The following STX8 variants were observed in gnomAD, a reference collection of about 807,000 sequenced individuals.
The protein encoded by STX8 is syntaxin-8.
STX8 carries 23 observed loss-of-function variants against 37.5 expected under a neutral mutation model. The observed-to-expected ratio is 0.61, with a 90% CI of 0.44 to 0.87. The LOEUF (loss-of-function observed/expected upper bound fraction) is 0.87. Among genes scored for constraint, STX8 ranks in the 40% least tolerant of loss-of-function variants. The pLI is 0.00. For missense variants in STX8, 313 were observed against 284.7 expected (o/e 1.10, Z -0.71); for synonymous variants, 115 against 99.1 (o/e 1.16, Z -0.95).
intron 6 of STX8, among the ~76,000 whole-genome samples, chr17:9,468,448 C>G (rs139438167): frequency 6.6e-6 from 1 of 152,120 alleles, no homozygotes; most frequent in Non-Finnish European, 1.5e-5. Context: ...AAACATCTTA[C>G]GAAAATGTTA....
chr17:9,441,088 G>A (rs942317058), intron 6 of STX8, among the ~76,000 whole-genome samples: 16 of 152,240 alleles, frequency 1.1e-4, no homozygotes, highest in African/African-American at 3.4e-4. Context: ...CCAAATGAGA[G>A]GCGTGAAGAT....
intron 7 of STX8, among the ~76,000 whole-genome samples, chr17:9,319,137 C>T (rs1909482174): frequency 6.6e-6 from 1 of 152,146 alleles, no homozygotes; most frequent in Non-Finnish European, 1.5e-5. Context: ...TAAAAAATTA[C>T]CCACAAGTGC....
At chr17:9,362,675 A>G (rs148047404) in intron 7 of STX8, among the ~76,000 whole-genome samples, 2,258 of 151,958 alleles carry the variant, frequency 0.015, 28 homozygotes, top group Non-Finnish European at 0.024. Context: ...CAAAAAAGTT[A>G]GCCAGGCGTG....
intron 6 of STX8, among the ~76,000 whole-genome samples, chr17:9,406,338 CT>C (rs1328387488): frequency 5.3e-5 from 8 of 152,134 alleles, no homozygotes; most frequent in Non-Finnish European, 1.2e-4. Flanking sequence ...CAAGGGGCCA[CT>C]TTTTTTGTAC....
At position 9,427,682 on chromosome 17, in the gene STX8, C is replaced by T. The variant is rs139934074; in HGVS notation, c.542-49029G>A. Among the ~76,000 whole-genome samples, 585 of 152,192 alleles carry T rather than the reference C, an allele frequency of 3.8e-3. 2 individuals carry two copies. Among genetic ancestry groups the T allele is most frequent in the Middle Eastern group, 0.02 (6 of 294 alleles). ...CAAATGACAGAGTGGCAACTGTTGG[C>T]TCACAGACAGAGTGGAGTTCTGAGC... On this transcript the variant is annotated intron_variant, in intron 6 of 7. Transcript: ENST00000306357.
intron 6 of STX8, among the ~76,000 whole-genome samples, chr17:9,491,328 C>T (rs1425883273): frequency 3.3e-5 from 5 of 152,048 alleles, no homozygotes. Flanking sequence ...GATGCCTACA[C>T]GTCTTAAACA....
Position 9,387,543 on chromosome 17 carries a change from T to C in STX8, c.542-8890A>G, listed in dbSNP as rs548829293. Among the ~76,000 whole-genome samples, 31 of 152,354 alleles carry C rather than the reference T, an allele frequency of 2.0e-4. No individual in the cohort carries two copies. The East Asian group carries it at 5.0e-3, about 25-fold the overall frequency. ...CTCCTGACCTCATGATCCGCCCGCC[T>C]TGGCCTTCCAAAGTGCTGGGATTAC... is the stretch of plus-strand genomic sequence containing the variant. On this transcript the variant is annotated intron_variant, in intron 6 of 7. Transcript: ENST00000306357.
chr17:9,380,266 T>C (rs1379652355), intron 6 of STX8, among the ~76,000 whole-genome samples: 2 of 147,548 alleles, frequency 1.4e-5, no homozygotes, highest in Non-Finnish European at 3.0e-5. Context: ...TTTTTTTTTT[T>C]TTTTTTTTTT....
chr17:9,412,812 C>T (rs888421478), intron 6 of STX8, among the ~76,000 whole-genome samples: 1 of 151,954 alleles, frequency 6.6e-6, no homozygotes, highest in East Asian at 1.9e-4. Flanking sequence ...AAATATAATT[C>T]GTCTTTAGAG....
chr17:9,329,462 G>C (rs1432367806), intron 7 of STX8, among the ~76,000 whole-genome samples: 1 of 152,206 alleles, frequency 6.6e-6, no homozygotes, highest in Non-Finnish European at 1.5e-5. Flanking sequence ...CTGGCTGGGT[G>C]ATTTTCCAGT....
At chr17:9,323,981 C>G (rs927679965) in intron 7 of STX8, among the ~76,000 whole-genome samples, 1 of 152,102 alleles carries the variant, frequency 6.6e-6, no homozygotes, top group East Asian at 1.9e-4. Flanking sequence ...GGAGAGGCAT[C>G]GGTCCTATTT....
chr17:9,319,995 A>G (rs997844885), intron 7 of STX8, among the ~76,000 whole-genome samples: 2 of 151,850 alleles, frequency 1.3e-5, no homozygotes, highest in South Asian at 4.2e-4. Context: ...AGCAAACTGG[A>G]AACTCTAGGA....
chr17:9,407,128 C>T (rs1040912209), intron 6 of STX8, among the ~76,000 whole-genome samples: 23 of 152,198 alleles, frequency 1.5e-4, no homozygotes, highest in Admixed American at 5.9e-4. Flanking sequence ...AGCACTGCTT[C>T]GGCAATGAAG....
intron 4 of STX8, among the ~76,000 whole-genome samples, chr17:9,526,807 G>A (rs1232393513): frequency 6.6e-6 from 1 of 151,170 alleles, no homozygotes; most frequent in Non-Finnish European, 1.5e-5. Context: ...AGGTTGCGGT[G>A]AGCTGACATC....
At chr17:9,534,891 A>T (rs1228514339) in intron 4 of STX8, among the ~76,000 whole-genome samples, 2 of 152,218 alleles carry the variant, frequency 1.3e-5, no homozygotes, top group African/African-American at 4.8e-5. Context: ...GTACTAGCAC[A>T]TAAGTAGACA....
chr17:9,441,637 G>T (rs191636072), intron 6 of STX8, among the ~76,000 whole-genome samples: 1 of 150,122 alleles, frequency 6.7e-6, no homozygotes, highest in Admixed American at 6.6e-5. Flanking sequence ...GCCCTAAGAC[G>T]CTGAGCTCTT....
intron 4 of STX8, among the ~76,000 whole-genome samples, chr17:9,514,904 A>G (rs1286017666): frequency 6.6e-6 from 1 of 152,210 alleles, no homozygotes; most frequent in Non-Finnish European, 1.5e-5. Flanking sequence ...GTCCCACAAT[A>G]TGGAGTGAAC....
intron 6 of STX8, among the ~76,000 whole-genome samples, chr17:9,386,570 G>A (rs1344359923): frequency 6.6e-6 from 1 of 152,012 alleles, no homozygotes; most frequent in Non-Finnish European, 1.5e-5. Flanking sequence ...GGAGGGAGCT[G>A]GCAGGCGGGC....
chr17:9,489,989 A>G (rs1331248702), intron 6 of STX8, among the ~76,000 whole-genome samples: 1 of 152,082 alleles, frequency 6.6e-6, no homozygotes, highest in Non-Finnish European at 1.5e-5. Flanking sequence ...TGCCCGGCCT[A>G]TAAAGCTTAC....
Sources: allele counts gnomAD v4.1 joint callset (sites outside exome capture counted in the v4.1 genomes callset), GRCh38; gene constraint gnomAD v4.1.1; transcripts MANE v1.5; gene names NCBI Gene and HGNC (gene_info 2026-07-23, HGNC 2026-07-21).